Variants in RPL3L observed in about 807,000 individuals in gnomAD.
RPL3L encodes ribosomal protein L3 like.
Under a neutral mutation model 44.5 loss-of-function variants are expected in RPL3L, and 44 were observed. That is an observed-to-expected ratio of 0.99 (90% CI 0.78 to 1.27). RPL3L has a LOEUF of 1.27. Ranked by LOEUF, RPL3L falls within the 50% of genes most tolerant of loss-of-function variation. RPL3L has a pLI of 0.00. For missense variants in RPL3L, 631 were observed against 569.1 expected (o/e 1.11, Z -1.11); for synonymous variants, 292 against 230.7 (o/e 1.27, Z -2.41).
rs1487729888 is a variant in RPL3L, at chr16:1,945,943, C to T, written c.952-13G>A. ...GGGGGAAGCCACCCTGCAGAGGACA[C>T]AGGTCAGAGGCCAGGCCCGGAAAGG... On this transcript the variant is annotated splice_polypyrimidine_tract_variant and intron_variant, in intron 7 of 9. Coordinates refer to ENST00000268661, the MANE Select transcript of RPL3L (RefSeq NM_005061.3). The T allele has an allele frequency of 2.5e-6, 4 of 1,603,188 alleles. No individual in the cohort carries two copies. The highest frequency in any genetic ancestry group is 3.4e-6 in the Non-Finnish European group (4 of 1,174,646).
chr16:1,947,093 T>C lies in RPL3L; in HGVS notation c.694A>G (p.Thr232Ala). The change falls in exon 6 of 10, where the codon ACA becomes GCA. Residue 232 changes from threonine (T) to alanine (A), a missense_variant. Physicochemically the swap from Thr to Ala is moderately conservative, Grantham distance 58 (BLOSUM62 0). Transcript: ENST00000268661. ...AGCTTCTTGGTATGCCAGCGGCTTG[T>C]GACCCCTGTGAGTGAGAGGGGCTGG... Reference protein sequence around the residue: ...VTKGRGVKGVTSRWHTKKLPR... With the variant: ...VTKGRGVKGVASRWHTKKLPR... 2 of 1,613,566 alleles carry C rather than the reference T, an allele frequency of 1.2e-6. No homozygotes were observed. Among genetic ancestry groups the C allele is most frequent in the Non-Finnish European group, 1.7e-6 (2 of 1,179,982 alleles).
At chr16:1,948,448 C>G (rs1597026734) in intron 4 of RPL3L, among the ~76,000 whole-genome samples, 1 of 151,956 alleles carries the variant, frequency 6.6e-6, no homozygotes, top group African/African-American at 2.4e-5. Context: ...TGGTTTCAAA[C>G]TCCTGACTTC....
In RPL3L at chr16:1,946,014, A is replaced by AG. The variant is rs540413250; in HGVS notation, c.952-85dup. The AG allele has an allele frequency of 8.1e-3, 9,867 of 1,211,562 alleles. 64 individuals carry two copies. Among genetic ancestry groups the AG allele is most frequent in the Middle Eastern group, 0.014 (70 of 5,068 alleles). The allele number at this position is 1,211,562 out of a possible 1,614,324, so 75.1% of individuals were successfully genotyped here. On this transcript the variant is annotated intron_variant, in intron 7 of 9. Transcript: ENST00000268661. ...CTGGGGGCCCTAGCAGAACCCCCAG[A>AG]GGGGGCAGTGATAGGCAGGAGCCCC... is the stretch of plus-strand genomic sequence containing the variant.
In RPL3L at chr16:1,952,862, G is replaced by A; in HGVS notation, c.365+12C>T. On this transcript the variant is annotated intron_variant, in intron 3 of 9. Transcript: ENST00000268661. ...GCAGCCCTTGGACGGCCCAGCCAAG[G>A]GCGGTGCTCACCAGTCCTTGTAGAA... 6.2e-7 allele frequency: 1 copy of A among 1,613,454 alleles called. No homozygotes were observed. The highest frequency in any genetic ancestry group is 8.5e-7 in the Non-Finnish European group (1 of 1,179,966).
intron 3 of RPL3L, among the ~76,000 whole-genome samples, chr16:1,951,608 C>G (rs1597029116): frequency 6.6e-6 from 1 of 152,042 alleles, no homozygotes; most frequent in Non-Finnish European, 1.5e-5. Context: ...TCTCGAAGCC[C>G]TGAGCTCAAA....
rs2083102368 is a variant in RPL3L, at chr16:1,944,149, A to C, written c.*688T>G. ...ACAAAGACAGTAACAGCCCTTTCCC[A>C]AAGCAGACCACCTCCTTGCCTGGGG... On this transcript the variant is annotated 3_prime_UTR_variant, in exon 10 of 10. Coordinates refer to ENST00000268661, the MANE Select transcript of RPL3L (RefSeq NM_005061.3). 6.6e-6 allele frequency: 1 copy of C among 152,234 alleles called. No homozygotes were observed. 9.4% of individuals were successfully genotyped at this position (152,234 alleles called of 1,614,324 possible). A position where few individuals can be genotyped will look rare whatever the true frequency, so the allele number is the denominator to read the frequency against.
intron 6 of RPL3L, 62 bp downstream of exon 6, chr16:1,946,876 G>A: frequency 8.3e-6 from 13 of 1,565,018 alleles, no homozygotes; most frequent in Non-Finnish European, 1.1e-5. Context: ...CACCCACTGA[G>A]GCCAGTACTG....
At chr16:1,946,526 G>T in intron 7 of RPL3L, 99 bp downstream of exon 7, 1 of 1,216,126 alleles carries the variant, frequency 8.2e-7, no homozygotes, top group Non-Finnish European at 1.2e-6. Flanking sequence ...GCTGGGGCAT[G>T]CCCCCTACAT....
At chr16:1,952,083 G>C (rs934560608) in intron 3 of RPL3L, among the ~76,000 whole-genome samples, 1 of 151,588 alleles carries the variant, frequency 6.6e-6, no homozygotes, top group African/African-American at 2.4e-5. Context: ...CAAGTAGCTG[G>C]GATTACAGGT....
At chr16:1,950,344 G>A (rs1054155157) in intron 4 of RPL3L, among the ~76,000 whole-genome samples, 6 of 151,932 alleles carry the variant, frequency 3.9e-5, no homozygotes, top group African/African-American at 1.2e-4. Context: ...ACAAGTGTGC[G>A]AGCAGCTGGG....
chr16:1,952,968 C>G lies in RPL3L; in HGVS notation c.271G>C (p.Gly91Arg), dbSNP rs1160999089. 15 of 1,613,108 alleles carry G rather than the reference C, an allele frequency of 9.3e-6. No individual in the cohort carries two copies. In the East Asian group the frequency reaches 3.3e-4, roughly 36 times the overall value. The change falls in exon 3 of 10, where the codon GGC (glycine) becomes CGC (arginine). Residue 91 changes from glycine (G) to arginine (R), a missense_variant. By Grantham distance (125) the Gly-to-Arg change is moderately radical. Coordinates refer to ENST00000268661, the MANE Select transcript of RPL3L (RefSeq NM_005061.3). The part of the protein sequence containing the change: ...TPPLVVVGVV[G>R]YVATPRGLRS... ...AGACCTCGAGGGGTGGCCACGTAGCCCACCACGCCCACCACCACTAGGGGC... is the reference window on the plus strand; with the variant it reads ...AGACCTCGAGGGGTGGCCACGTAGCGCACCACGCCCACCACCACTAGGGGC...
At chr16:1,950,710 G>T in intron 4 of RPL3L, 134 bp downstream of exon 4, 1 of 1,416,402 alleles carries the variant, frequency 7.1e-7, no homozygotes, top group Non-Finnish European at 9.7e-7. Flanking sequence ...GGCCAGCGAG[G>T]CTGGTCAGCC....
intron 4 of RPL3L, among the ~76,000 whole-genome samples, chr16:1,947,597 C>T (rs768345020): frequency 3.5e-4 from 54 of 152,220 alleles, no homozygotes; most frequent in Non-Finnish European, 6.2e-4. Context: ...CACCATCTCA[C>T]TGGGGGACAG....
chr16:1,951,478 C>T (rs1197336367), intron 3 of RPL3L, among the ~76,000 whole-genome samples: 1 of 151,886 alleles, frequency 6.6e-6, no homozygotes, highest in East Asian at 1.9e-4. Context: ...AGCTCCCAGA[C>T]TCAAGCAATC....
intron 4 of RPL3L, among the ~76,000 whole-genome samples, 179 bp downstream of exon 4, chr16:1,950,665 G>A (rs148884646): frequency 3.7e-4 from 56 of 152,300 alleles, no homozygotes; most frequent in African/African-American, 1.2e-3. Flanking sequence ...AGAAGGCACC[G>A]ATGCCTTTCA....
intron 3 of RPL3L, among the ~76,000 whole-genome samples, chr16:1,952,055 T>G (rs1396889394): frequency 1.3e-5 from 2 of 151,802 alleles, no homozygotes; most frequent in African/African-American, 4.8e-5. Context: ...CTCAAGCGAT[T>G]CTCCTGCCTC....
intron 5 of RPL3L, 26 bp from the exon 6 acceptor site, chr16:1,947,124 G>A (rs779697753): frequency 1.2e-6 from 2 of 1,613,214 alleles, no homozygotes; most frequent in Admixed American, 1.7e-5. Flanking sequence ...GCTGGTGGCT[G>A]AGAGGCCAGG....
At chr16:1,945,780 G>T in intron 8 of RPL3L, 55 bp downstream of exon 8, 1 of 1,609,494 alleles carries the variant, frequency 6.2e-7, no homozygotes, top group South Asian at 1.1e-5. Flanking sequence ...CCGCAGGGCA[G>T]GACAGGCTGG....
At position 1,950,952 on chromosome 16, in the gene RPL3L, G is replaced by A; in HGVS notation, c.393C>T (p.Thr131=). The change falls in exon 4 of 10, where the codon ACC becomes ACT. Residue 131 remains threonine (T), a synonymous_variant. Transcript: ENST00000268661. ...DWHKSKKKAF[T]KACKRWRDTD... is the part of the protein sequence containing the mutation. ...TGTCCCGCCACCTCTTGCAGGCCTT[G>A]GTGAAGGCTTTCTTCTTGCTCTTGT... The A allele has an allele frequency of 6.2e-7, 1 of 1,613,980 alleles. No homozygotes were observed. Among genetic ancestry groups the A allele is most frequent in the Non-Finnish European group, 8.5e-7 (1 of 1,179,942 alleles).
Sources: gnomAD v4.1 joint callset for allele counts (sites outside exome capture counted in the v4.1 genomes callset) on GRCh38, gnomAD v4.1.1 for gene constraint, MANE v1.5 for transcripts, NCBI Gene and HGNC (gene_info 2026-07-23, HGNC 2026-07-21) for gene names.